FAM178B: variants seen among roughly 807,000 people sequenced by gnomAD.
FAM178B encodes protein FAM178B.
FAM178B carries 82 observed loss-of-function variants against 91.7 expected under a neutral mutation model. The observed-to-expected ratio is 0.89, with a 90% confidence interval of 0.75 to 1.07. The LOEUF (loss-of-function observed/expected upper bound fraction) is 1.07. Ranked by LOEUF, FAM178B falls within the 50% of genes least tolerant of loss-of-function variation. The pLI, the probability that FAM178B is intolerant of heterozygous loss-of-function variation, is 0.00. For synonymous variants in FAM178B, 368 were observed against 359.4 expected (o/e 1.02, Z -0.27); for missense variants, 769 against 846.7 (o/e 0.91, Z 1.14).
At chr2:96,960,238 G>C in intron 6 of FAM178B, 50 bp downstream of exon 6, 1 of 1,540,310 alleles carries the variant, frequency 6.5e-7, no homozygotes, top group South Asian at 1.2e-5. Context: ...CAGGAGGGAG[G>C]GGTCCTGGAC....
intron 8 of FAM178B, among the ~76,000 whole-genome samples, chr2:96,938,082 T>C (rs1021281927): frequency 6.6e-6 from 1 of 152,086 alleles, no homozygotes; most frequent in African/African-American, 2.4e-5. Context: ...TAAATTTATT[T>C]TGCACCTCAT....
intron 1 of FAM178B, among the ~76,000 whole-genome samples, chr2:96,983,665 T>C (rs954931070): frequency 1.3e-5 from 2 of 152,048 alleles, no homozygotes; most frequent in African/African-American, 4.8e-5. Context: ...GCTCAGGTGA[T>C]CTGGTCACCT....
At chr2:96,954,596 T>C (rs577870498) in intron 6 of FAM178B, among the ~76,000 whole-genome samples, 1 of 152,380 alleles carries the variant, frequency 6.6e-6, no homozygotes, top group Admixed American at 6.5e-5. Context: ...TCCCAAGTGA[T>C]GGCCGAAGGA....
intron 5 of FAM178B, among the ~76,000 whole-genome samples, chr2:96,961,312 G>GGGGTGT (rs72073606): frequency 4.8e-4 from 70 of 146,842 alleles, no homozygotes; most frequent in African/African-American, 1.6e-3. Context: ...AGCAGCAGAG[G>GGGGTGT]GTGTGTGTGT....
At position 96,957,368 on chromosome 2, in the gene FAM178B, T is replaced by C. The variant is rs930051016; in HGVS notation, c.887+2920A>G. Among the ~76,000 whole-genome samples the C allele has an allele frequency of 1.1e-4, 17 of 152,196 alleles. 1 individual carries two copies. Among genetic ancestry groups the C allele is most frequent in the Admixed American group, 8.5e-4 (13 of 15,280 alleles). The stretch of plus-strand genomic sequence containing the variant: ...CACTGCCCGGCAGAGGTCCCAGGAC[T>C]GAGACCGAGTCACACAGCGGGCATT... On this transcript the variant is annotated intron_variant, in intron 6 of 16. Coordinates refer to ENST00000490605, the MANE Select transcript of FAM178B (RefSeq NM_001122646.3).
chr2:96,973,147 G>A (rs529237649), intron 1 of FAM178B, among the ~76,000 whole-genome samples: 1 of 151,284 alleles, frequency 6.6e-6, no homozygotes, highest in African/African-American at 2.4e-5. Context: ...GGTAGAGGTT[G>A]CAGTGACCCA....
chr2:96,905,980 T>C (rs1406796757), intron 12 of FAM178B, among the ~76,000 whole-genome samples: 3 of 146,712 alleles, frequency 2.0e-5, no homozygotes, highest in African/African-American at 5.0e-5. Flanking sequence ...CAAGCGATTC[T>C]CCTGCCTCAG....
intron 8 of FAM178B, among the ~76,000 whole-genome samples, chr2:96,930,781 T>C (rs1335391482): frequency 6.6e-6 from 1 of 152,082 alleles, no homozygotes; most frequent in African/African-American, 2.4e-5. Context: ...GGTGGGGCCT[T>C]TGGGAGGAAA....
Position 96,929,391 on chromosome 2 carries a change from G to A in FAM178B, c.1079-71C>T, listed in dbSNP as rs948278383. ...GCAGGGTGCACCACTCCCACTGAAG[G>A]GGCTGGCCGTGACCCCTGGCCCAAG... On this transcript the variant is annotated intron_variant, in intron 8 of 16. Transcript: ENST00000490605. 5 of 1,128,318 alleles carry A rather than the reference G, an allele frequency of 4.4e-6. No homozygotes were observed. The African/African-American group carries it at 6.2e-5, about 14-fold the overall frequency. 69.9% of individuals were successfully genotyped at this position (1,128,318 alleles called of 1,614,324 possible).
At chr2:96,922,359 C>CT (rs1297215282) in intron 10 of FAM178B, among the ~76,000 whole-genome samples, 3 of 152,092 alleles carry the variant, frequency 2.0e-5, no homozygotes, top group Admixed American at 2.0e-4. Flanking sequence ...TATTCTTTTA[C>CT]TTTTTTTTGA....
At chr2:96,959,743 A>G (rs550203695) in intron 6 of FAM178B, among the ~76,000 whole-genome samples, 1 of 152,366 alleles carries the variant, frequency 6.6e-6, no homozygotes, top group South Asian at 2.1e-4. Flanking sequence ...AAATCTTTTA[A>G]AAATTCTCTC....
At chr2:96,877,834 G>A in intron 16 of FAM178B, 56 bp downstream of exon 16, 2 of 1,562,096 alleles carry the variant, frequency 1.3e-6, no homozygotes, top group Non-Finnish European at 8.7e-7. Flanking sequence ...GCTCTGGCCA[G>A]CCCTGCCTGA....
chr2:96,889,861 C>T (rs560088434), intron 14 of FAM178B, among the ~76,000 whole-genome samples: 11 of 151,506 alleles, frequency 7.3e-5, no homozygotes, highest in African/African-American at 1.7e-4. Context: ...AATTGGGGCC[C>T]GTTGAGATGG....
At chr2:96,965,826 G>A (rs2082136063) in intron 5 of FAM178B, among the ~76,000 whole-genome samples, 2 of 151,968 alleles carry the variant, frequency 1.3e-5, no homozygotes, top group African/African-American at 4.8e-5. Context: ...AAGCTCCGGG[G>A]GTCCCTTTTG....
At chr2:96,978,300 T>A (rs997515064) in intron 1 of FAM178B, among the ~76,000 whole-genome samples, 4 of 152,176 alleles carry the variant, frequency 2.6e-5, no homozygotes, top group East Asian at 3.8e-4. Context: ...CACACATTTT[T>A]AAAAAAATAG....
intron 1 of FAM178B, among the ~76,000 whole-genome samples, chr2:96,983,958 T>C (rs1029931022): frequency 1.3e-5 from 2 of 152,226 alleles, no homozygotes; most frequent in African/African-American, 4.8e-5. Flanking sequence ...TTTCAAGGTA[T>C]TATGAATAAA....
chr2:96,971,474 T>C (rs1438818748), intron 3 of FAM178B, among the ~76,000 whole-genome samples: 1 of 152,110 alleles, frequency 6.6e-6, no homozygotes, highest in Non-Finnish European at 1.5e-5. Context: ...TTACTCCCAA[T>C]TTGAAGTTCA....
At chr2:96,945,659 T>C (rs10202644) in intron 8 of FAM178B, among the ~76,000 whole-genome samples, 118,967 of 152,166 alleles carry the variant, frequency 0.78, 48,006 homozygotes, top group African/African-American at 0.9. Context: ...CTCAGAGCCC[T>C]AGGCTATTAG....
rs774981124 is a variant in FAM178B, at chr2:96,951,425, A to C, written c.947T>G (p.Leu316Arg). The change falls in exon 7 of 17, where the codon CTG (leucine) becomes CGG (arginine). Residue 316 changes from leucine to arginine, a missense_variant. By Grantham distance (102) the Leu-to-Arg change is moderately radical. Coordinates refer to ENST00000490605, the MANE Select transcript of FAM178B (RefSeq NM_001122646.3). Reference protein sequence around the residue: ...LRSGLLNILYLHMPDCPVSLL... With the variant: ...LRSGLLNILYRHMPDCPVSLL... ...GGATACCGGGCAGTCAGGCATGTGC[A>C]GGTAGAGGATGTTCAGGAGGCCACT... is the stretch of plus-strand genomic sequence containing the variant. 1.8e-5 allele frequency: 28 copies of C among 1,551,486 alleles called. No individual in the cohort carries two copies. Among genetic ancestry groups the C allele is most frequent in the South Asian group, 1.3e-4 (11 of 84,058 alleles).
Sources: gnomAD v4.1 joint callset for allele counts (sites outside exome capture counted in the v4.1 genomes callset) on GRCh38, gnomAD v4.1.1 for gene constraint, MANE v1.5 for transcripts, NCBI Gene and HGNC (gene_info 2026-07-23, HGNC 2026-07-21) for gene names.